The following TGFB2 variants were observed in gnomAD, a reference collection of about 807,000 sequenced individuals.
TGFB2 encodes transforming growth factor beta-2 proprotein.
Under a neutral mutation model 42.7 loss-of-function variants are expected in TGFB2, and 13 were observed. The observed-to-expected ratio is 0.30, with a 90% CI of 0.20 to 0.48. The LOEUF (loss-of-function observed/expected upper bound fraction) is 0.48, where lower values mean the gene tolerates loss of function less well. TGFB2 is among the 20% of genes least tolerant of loss of function. The probability of loss-of-function intolerance (pLI) is 0.99; values close to 1 mark genes in which losing one functional copy is unlikely to be tolerated. For missense variants in TGFB2, 390 were observed against 517.5 expected (o/e 0.75, Z 2.39); for synonymous variants, 193 against 193.6 (o/e 1.00, Z 0.03).
intron 1 of TGFB2, among the ~76,000 whole-genome samples, chr1:218,361,192 A>G (rs1369185083): frequency 1.3e-5 from 2 of 152,202 alleles, no homozygotes; most frequent in East Asian, 1.9e-4. Context: ...TGCTTTCTGT[A>G]GACTGAACAA....
rs372322065 is a variant in TGFB2, at chr1:218,363,716, C to T, written c.346+16669C>T. Among the ~76,000 whole-genome samples, 3 of 152,152 alleles carry T rather than the reference C, an allele frequency of 2.0e-5. No homozygotes were observed. In the East Asian group the frequency reaches 5.8e-4, roughly 29 times the overall value. ...TGATTTGACATACACCTTTCCTGAT[C>T]CCCATGGAGGCCACTCTCTGGAGGG... On this transcript the variant is annotated intron_variant, in intron 1 of 6. Coordinates refer to ENST00000366930, the MANE Select transcript of TGFB2 (RefSeq NM_003238.6).
At position 218,436,081 on chromosome 1, in the gene TGFB2, A is replaced by G. The variant is rs1276969502; in HGVS notation, c.866A>G (p.Tyr289Cys). The G allele has an allele frequency of 2.5e-6, 4 of 1,614,166 alleles. No homozygotes were observed. The highest frequency in any genetic ancestry group is 1.6e-4 in the Middle Eastern group (1 of 6,062). Residue 289 changes from tyrosine (Y) to cysteine (C), a missense_variant, in exon 5 of 7, where the codon TAC becomes TGC. By Grantham distance (194) the Tyr-to-Cys change is radical (BLOSUM62 -2). Transcript: ENST00000366930. The stretch of plus-strand genomic sequence containing the variant: ...CTCCTGCTAATGTTATTGCCCTCCT[A>G]CAGACTTGAGTCACAACAGACCAAC... ...PHLLLMLLPS[Y>C]RLESQQTNRR...
At chr1:218,439,209 A>T (rs555273449) in intron 6 of TGFB2, among the ~76,000 whole-genome samples, 2 of 152,092 alleles carry the variant, frequency 1.3e-5, no homozygotes, top group Admixed American at 1.3e-4. Flanking sequence ...CTTGGCATGC[A>T]GGCCTCCTTG....
chr1:218,406,368 C>G (rs978095120), intron 2 of TGFB2, among the ~76,000 whole-genome samples: 5 of 152,082 alleles, frequency 3.3e-5, no homozygotes, highest in African/African-American at 1.2e-4. Flanking sequence ...AAGCTTGTTA[C>G]CCGAGTGTAG....
chr1:218,346,009 A>T lies in TGFB2; in HGVS notation c.-693A>T, dbSNP rs1474008264. On this transcript the variant is annotated 5_prime_UTR_variant, in exon 1 of 7. Coordinates refer to ENST00000366930, the MANE Select transcript of TGFB2 (RefSeq NM_003238.6). This position sits in a 1 kb window ranked among gnomAD's most constrained non-coding sequence, Gnocchi z 4.9. ...GAGTACCGAGCGCCCTGCGAAGCGCACCCTCCTCCCCGCGGTGCGCTGGGC... is the reference window on the plus strand; with the variant it reads ...GAGTACCGAGCGCCCTGCGAAGCGCTCCCTCCTCCCCGCGGTGCGCTGGGC... Among the ~76,000 whole-genome samples the T allele has an allele frequency of 1.3e-5, 2 of 149,520 alleles. No homozygotes were observed. The highest frequency in any genetic ancestry group is 5.0e-5 in the African/African-American group (2 of 40,218).
chr1:218,347,148 C>A, intron 1 of TGFB2, 101 bp downstream of exon 1: 1 of 1,130,682 alleles, frequency 8.8e-7, no homozygotes, highest in Non-Finnish European at 1.3e-6. Flanking sequence ...TCGCGGTTCC[C>A]GTTCGCTCTT....
At chr1:218,436,934 A>T (rs1272617585) in intron 5 of TGFB2, among the ~76,000 whole-genome samples, 1 of 152,212 alleles carries the variant, frequency 6.6e-6, no homozygotes, top group East Asian at 1.9e-4. Flanking sequence ...TTGTTTGAAA[A>T]TTGCTGTTGT....
chr1:218,356,849 G>A (rs919200981), intron 1 of TGFB2, among the ~76,000 whole-genome samples: 16 of 152,210 alleles, frequency 1.1e-4, no homozygotes, highest in Non-Finnish European at 1.9e-4. Flanking sequence ...GGCCACAGCC[G>A]CCTCTTAGCC....
intron 2 of TGFB2, among the ~76,000 whole-genome samples, chr1:218,413,176 A>G (rs760572730): frequency 2.8e-4 from 43 of 151,868 alleles, no homozygotes; most frequent in Non-Finnish European, 5.7e-4. Flanking sequence ...GTTCAAGACC[A>G]GCCTGGGCAA....
At chr1:218,415,417 G>A (rs550154760) in intron 2 of TGFB2, among the ~76,000 whole-genome samples, 9 of 151,998 alleles carry the variant, frequency 5.9e-5, no homozygotes, top group Admixed American at 2.0e-4. Flanking sequence ...TGAGCAGGCC[G>A]GGCGCGGTGG....
At chr1:218,409,455 T>A (rs1010198746) in intron 2 of TGFB2, among the ~76,000 whole-genome samples, 1 of 152,212 alleles carries the variant, frequency 6.6e-6, no homozygotes, top group East Asian at 1.9e-4. Flanking sequence ...TAGTATGGTG[T>A]TCTCCAACTT....
intron 1 of TGFB2, among the ~76,000 whole-genome samples, chr1:218,354,646 A>G (rs112536452): frequency 1.5e-3 from 232 of 152,344 alleles, no homozygotes; most frequent in African/African-American, 5.2e-3. Context: ...TTCAGCCACC[A>G]CAGGTAATAG....
intron 1 of TGFB2, among the ~76,000 whole-genome samples, chr1:218,369,256 GAAAAAAAAAAAAAAA>G (rs34825461): frequency 4.5e-4 from 16 of 35,646 alleles, no homozygotes; most frequent in South Asian, 1.8e-3. Context: ...TTCCGTCTCA[GAAAAAAAAAAAAAAA>G]AAAAAAAAAA....
intron 1 of TGFB2, among the ~76,000 whole-genome samples, chr1:218,403,407 C>A (rs752663428): frequency 6.6e-6 from 1 of 152,200 alleles, no homozygotes; most frequent in Non-Finnish European, 1.5e-5. Flanking sequence ...GGAAAAAATT[C>A]AGGCTCTTAA....
At chr1:218,389,566 G>T (rs937627916) in intron 1 of TGFB2, among the ~76,000 whole-genome samples, 3 of 152,202 alleles carry the variant, frequency 2.0e-5, no homozygotes, top group African/African-American at 4.8e-5. Flanking sequence ...TCACTGAAAA[G>T]AATTGAGAGG....
intron 1 of TGFB2, chr1:218,363,558 G>A: frequency 1.3e-6 from 1 of 779,512 alleles, no homozygotes; most frequent in Non-Finnish European, 2.1e-6. Flanking sequence ...TCACAAAGGT[G>A]CCTAGAATTT....
chr1:218,435,032 A>G lies in TGFB2; in HGVS notation c.754+584A>G, dbSNP rs75329329. On this transcript the variant is annotated intron_variant, in intron 4 of 6. Transcript: ENST00000366930. ...ACGCTTACCTTTAAGTAAGTTGGAC[A>G]AAAGTCATGGAGAGTGAGGCGATAC... Among the ~76,000 whole-genome samples, 11 of 152,332 alleles carry G rather than the reference A, an allele frequency of 7.2e-5. No homozygotes were observed. The East Asian group carries it at 1.9e-3, about 27-fold the overall frequency.
intron 1 of TGFB2, among the ~76,000 whole-genome samples, chr1:218,401,998 G>A (rs12058971): frequency 0.039 from 5,981 of 152,284 alleles, 395 homozygotes; most frequent in African/African-American, 0.14. Context: ...GCCAGCCAGG[G>A]GGCTTGTGAC....
chr1:218,383,656 G>A (rs1658035960), intron 1 of TGFB2, among the ~76,000 whole-genome samples: 1 of 152,276 alleles, frequency 6.6e-6, no homozygotes, highest in Non-Finnish European at 1.5e-5. Context: ...TGTCCCTTCA[G>A]CCATACTGTT....
Sources: gnomAD v4.1 joint callset for allele counts (sites outside exome capture counted in the v4.1 genomes callset) on GRCh38, gnomAD v4.1.1 for gene constraint, Gnocchi (gnomAD v3.1) non-coding constraint, MANE v1.5 for transcripts, NCBI Gene and HGNC (gene_info 2026-07-23, HGNC 2026-07-21) for gene names.